PLEKHA2: variants seen among roughly 807,000 people sequenced by gnomAD.
PLEKHA2 encodes pleckstrin homology domain-containing family A member 2.
A neutral mutation model predicts 53.2 loss-of-function variants in PLEKHA2; 28 were observed. The observed-to-expected ratio is 0.53, with a 90% CI of 0.39 to 0.72. The LOEUF (loss-of-function observed/expected upper bound fraction) is 0.72. Among genes scored for constraint, PLEKHA2 ranks in the 30% least tolerant of loss-of-function variants. PLEKHA2 has a pLI of 0.00. For missense variants in PLEKHA2, 426 were observed against 537.9 expected (o/e 0.79, Z 2.06); for synonymous variants, 193 against 196.4 (o/e 0.98, Z 0.14).
At chr8:38,951,086 A>C in intron 6 of PLEKHA2, 96 bp downstream of exon 6, 1 of 327,320 alleles carries the variant, frequency 3.1e-6, no homozygotes, top group Non-Finnish European at 3.9e-6. Context: ...GGGGAAAAGG[A>C]GGGTGGGAGT....
At chr8:38,947,610 G>A (rs1276372271) in intron 5 of PLEKHA2, among the ~76,000 whole-genome samples, 1 of 152,014 alleles carries the variant, frequency 6.6e-6, no homozygotes, top group Non-Finnish European at 1.5e-5. Context: ...GCAACAGAGT[G>A]AAAGCCCATC....
rs886848231 is a variant in PLEKHA2, at chr8:38,926,037, G to A, written c.141+7967G>A. Among the ~76,000 whole-genome samples the A allele has an allele frequency of 2.6e-5, 4 of 152,224 alleles. No homozygotes were observed. In the South Asian group the frequency reaches 8.3e-4, roughly 32 times the overall value. On this transcript the variant is annotated intron_variant, in intron 2 of 11. Coordinates refer to ENST00000617275, the MANE Select transcript of PLEKHA2 (RefSeq NM_021623.2). ...TCTCCCTCCCACTTCTGTCCTCTCA[G>A]CAGGGGCAGCCAGTCTTGACAGTTT...
At chr8:38,949,177 C>T (rs1464102958) in intron 5 of PLEKHA2, among the ~76,000 whole-genome samples, 2 of 151,894 alleles carry the variant, frequency 1.3e-5, no homozygotes, top group Non-Finnish European at 2.9e-5. Flanking sequence ...GGCCGACATT[C>T]AGCTGTTAAT....
chr8:38,920,364 C>T (rs947459941), intron 2 of PLEKHA2, among the ~76,000 whole-genome samples: 2 of 152,040 alleles, frequency 1.3e-5, no homozygotes, highest in African/African-American at 2.4e-5. Context: ...CTGTGTTAGC[C>T]AGGATGGTCT....
chr8:38,938,970 C>G (rs1386708456), intron 3 of PLEKHA2, among the ~76,000 whole-genome samples: 1 of 150,712 alleles, frequency 6.6e-6, no homozygotes. Flanking sequence ...ATGGTGCAAT[C>G]TCGCCTCACT....
chr8:38,934,599 G>A (rs1166264612), intron 2 of PLEKHA2, among the ~76,000 whole-genome samples: 1 of 152,110 alleles, frequency 6.6e-6, no homozygotes, highest in Non-Finnish European at 1.5e-5. Flanking sequence ...CCTTGACCGT[G>A]ACTCTGGCAT....
chr8:38,923,798 A>G (rs1264300014), intron 2 of PLEKHA2, among the ~76,000 whole-genome samples: 1 of 152,034 alleles, frequency 6.6e-6, no homozygotes, highest in Admixed American at 6.6e-5. Context: ...TTTGCTATAC[A>G]TTATTTGTAT....
intron 10 of PLEKHA2, among the ~76,000 whole-genome samples, chr8:38,957,915 C>T (rs575876097): frequency 7.9e-4 from 120 of 152,320 alleles, no homozygotes; most frequent in African/African-American, 2.6e-3. Context: ...ACTAGAAAGG[C>T]AGATTTCCAA....
chr8:38,952,263 C>T lies in PLEKHA2; in HGVS notation c.584C>T (p.Thr195Ile). The stretch of plus-strand genomic sequence containing the variant: ...CCCACGTCAGGCTGCCGTGCTTCCA[C>T]TGGGCCTCCCCTCATTAAGAGTGGT... ...YIPTSGCRAS[T>I]GPPLIKSGYC... Residue 195 changes from threonine to isoleucine, a missense_variant, in exon 7 of 12, where the codon ACT (threonine) becomes ATT (isoleucine). Transcript: ENST00000617275. The T allele has an allele frequency of 6.2e-7, 1 of 1,612,808 alleles. No individual in the cohort carries two copies. Among genetic ancestry groups the T allele is most frequent in the Non-Finnish European group, 8.5e-7 (1 of 1,179,518 alleles).
intron 10 of PLEKHA2, among the ~76,000 whole-genome samples, chr8:38,964,516 G>A (rs77574620): frequency 0.16 from 24,376 of 151,978 alleles, 2,090 homozygotes; most frequent in South Asian, 0.27. Flanking sequence ...GAAACCACCC[G>A]TCATCCCCCT....
chr8:38,916,969 C>T (rs1218802906), intron 1 of PLEKHA2, among the ~76,000 whole-genome samples: 1 of 152,154 alleles, frequency 6.6e-6, no homozygotes, highest in Non-Finnish European at 1.5e-5. Flanking sequence ...GCCATTTTCA[C>T]GGGGGTGAGA....
chr8:38,943,760 A>G, intron 3 of PLEKHA2, 29 bp from the exon 4 acceptor site: 1 of 1,509,362 alleles, frequency 6.6e-7, no homozygotes, highest in Non-Finnish European at 8.9e-7. Flanking sequence ...ACACATATTC[A>G]TGTTTCTTTT....
chr8:38,950,723 G>A (rs1834817944), intron 5 of PLEKHA2, 127 bp from the exon 6 acceptor site: 3 of 1,164,434 alleles, frequency 2.6e-6, no homozygotes, highest in Non-Finnish European at 2.4e-6. Context: ...AAGGCTTGGG[G>A]AGGACACGCA....
chr8:38,955,461 T>C (rs147243303), intron 9 of PLEKHA2, among the ~76,000 whole-genome samples: 37 of 152,348 alleles, frequency 2.4e-4, no homozygotes, highest in African/African-American at 8.9e-4. Flanking sequence ...CTGTACCTTA[T>C]AACTAACTGG....
At chr8:38,958,814 G>A (rs1834988926) in intron 10 of PLEKHA2, among the ~76,000 whole-genome samples, 1 of 152,172 alleles carries the variant, frequency 6.6e-6, no homozygotes, top group South Asian at 2.1e-4. Flanking sequence ...TCAGGCTGGG[G>A]ACACCAGGTT....
intron 3 of PLEKHA2, among the ~76,000 whole-genome samples, chr8:38,937,553 G>T (rs963864806): frequency 3.3e-5 from 5 of 152,092 alleles, no homozygotes; most frequent in Non-Finnish European, 7.4e-5. Context: ...GCTGAATCAT[G>T]ATTTATAAAT....
At position 38,940,650 on chromosome 8, in the gene PLEKHA2, C is replaced by CGG. The variant is rs5891049; in HGVS notation, c.199-3128_199-3127dup. Among the ~76,000 whole-genome samples, 483 of 56,900 alleles carry CGG rather than the reference C, an allele frequency of 8.5e-3. 9 individuals carry two copies. The highest frequency in any genetic ancestry group is 0.024 in the African/African-American group (292 of 12,228). The allele number at this position is 56,900 out of a possible 152,430, so 37.3% of individuals were successfully genotyped here. A position where few individuals can be genotyped will look rare whatever the true frequency, so the allele number is the denominator to read the frequency against. Reference sequence around the variant, plus strand: ...TATGCCGTGGTCCAGATTGAAGGGGCGGGGGGGGGGGGTCAGAAACCCAGG... The same window carrying CGG: ...TATGCCGTGGTCCAGATTGAAGGGGCGGGGGGGGGGGGGGTCAGAAACCCAGG... On this transcript the variant is annotated intron_variant, in intron 3 of 11. Coordinates refer to ENST00000617275, the MANE Select transcript of PLEKHA2 (RefSeq NM_021623.2).
chr8:38,915,386 G>A (rs966533366), intron 1 of PLEKHA2, among the ~76,000 whole-genome samples: 14 of 152,250 alleles, frequency 9.2e-5, no homozygotes, highest in Admixed American at 3.9e-4. Flanking sequence ...GAGGCTGAAA[G>A]TCCAAGGGCA....
At chr8:38,933,244 G>A (rs1346441103) in intron 2 of PLEKHA2, among the ~76,000 whole-genome samples, 1 of 152,056 alleles carries the variant, frequency 6.6e-6, no homozygotes, top group Non-Finnish European at 1.5e-5. Flanking sequence ...TGTGGGAGGG[G>A]GATCGGGACT....
Sources: gnomAD v4.1 joint callset for allele counts (sites outside exome capture counted in the v4.1 genomes callset) on GRCh38, gnomAD v4.1.1 for gene constraint, MANE v1.5 for transcripts, NCBI Gene and HGNC (gene_info 2026-07-23, HGNC 2026-07-21) for gene names.